ARHGAP33: variants seen among roughly 807,000 people sequenced by gnomAD.
ARHGAP33 encodes the protein rho GTPase-activating protein 33.
Under a neutral mutation model 126.2 loss-of-function variants are expected in ARHGAP33, and 57 were observed. The ratio of observed to expected loss-of-function variants is 0.45; its 90% CI spans 0.36 to 0.56. ARHGAP33 has a LOEUF of 0.56. ARHGAP33 is among the 20% of genes least tolerant of loss of function. The pLI is 0.00. For synonymous variants in ARHGAP33, 711 were observed against 755.0 expected (o/e 0.94, Z 0.95); for missense variants, 1,500 against 1,748.3 (o/e 0.86, Z 2.53).
intron 6 of ARHGAP33, chr19:35,779,908 G>T (rs996403934): frequency 1.9e-6 from 1 of 526,380 alleles, no homozygotes; most frequent in Non-Finnish European, 3.7e-6. Context: ...TGTGGCATCT[G>T]CTGTGGAGGA....
rs1235644972 is a variant in ARHGAP33 at position 35,786,431 on chromosome 19, G to A, written c.1961G>A (p.Arg654Lys). Reference sequence around the variant, plus strand: ...CCTCCAGGCCTCCAGAGGCTGCACAGGCTGCGGCGACCCCACTCCAGCAGC... The same window carrying A: ...CCTCCAGGCCTCCAGAGGCTGCACAAGCTGCGGCGACCCCACTCCAGCAGC... The part of the protein sequence containing the change: ...ASGAGLQRLH[R>K]LRRPHSSSDA... Residue 654 changes from arginine (R) to lysine (K), a missense_variant, in exon 20 of 21, where the codon AGG becomes AAG. Physicochemically the swap from Arg to Lys is conservative, Grantham distance 26. Transcript: ENST00000007510. This position sits in a 1 kb window ranked among gnomAD's most constrained non-coding sequence, Gnocchi z 7.0. The A allele has an allele frequency of 6.5e-7, 1 of 1,534,528 alleles. No homozygotes were observed. The highest frequency in any genetic ancestry group is 1.2e-5 in the South Asian group (1 of 83,896).
chr19:35,784,733 C>A lies in ARHGAP33; in HGVS notation c.1568-220C>A, dbSNP rs1972009195. 3 of 1,352,362 alleles carry A rather than the reference C, an allele frequency of 2.2e-6. No individual in the cohort carries two copies. The Admixed American group carries it at 1.1e-4, about 51-fold the overall frequency. 83.8% of individuals were successfully genotyped at this position (1,352,362 alleles called of 1,614,324 possible). A position where few individuals can be genotyped will look rare whatever the true frequency, so the allele number is the denominator to read the frequency against. The stretch of plus-strand genomic sequence containing the variant: ...TAACTGAAGCCAGAGCCGCTGCCCT[C>A]GCTGGCTGCCGGGAGCTGCCTCCTC... On this transcript the variant is annotated intron_variant, in intron 16 of 20. Coordinates refer to ENST00000007510, the MANE Select transcript of ARHGAP33 (RefSeq NM_001366178.1).
In ARHGAP33 at chr19:35,780,378, C is replaced by T. The variant is rs777222058; in HGVS notation, c.625-43C>T. 3 of 1,610,632 alleles carry T rather than the reference C, an allele frequency of 1.9e-6. No homozygotes were observed. The South Asian group carries it at 3.3e-5, about 18-fold the overall frequency. On this transcript the variant is annotated intron_variant, in intron 7 of 20. Coordinates refer to ENST00000007510, the MANE Select transcript of ARHGAP33 (RefSeq NM_001366178.1). ...GATTCCAGCTGGGCTCCCCACACCCCCTGCTCCTTCTGACCCTTCTCTTCC... is the reference window on the plus strand; with the variant it reads ...GATTCCAGCTGGGCTCCCCACACCCTCTGCTCCTTCTGACCCTTCTCTTCC...
At position 35,785,688 on chromosome 19, in the gene ARHGAP33, G is replaced by T. The variant is rs1972076353; in HGVS notation, c.1942+205G>T. On this transcript the variant is annotated intron_variant, in intron 19 of 20. Transcript: ENST00000007510. Reference sequence around the variant, plus strand: ...CACACTGAACTTAACTTACTCATTGGTCCATGACGGGCCCTTTAAAAGTCT... The same window carrying T: ...CACACTGAACTTAACTTACTCATTGTTCCATGACGGGCCCTTTAAAAGTCT... 4 of 1,419,466 alleles carry T rather than the reference G, an allele frequency of 2.8e-6. No individual in the cohort carries two copies. In the East Asian group the frequency reaches 7.8e-5, roughly 28 times the overall value. 87.9% of individuals were successfully genotyped at this position (1,419,466 alleles called of 1,614,324 possible).
At position 35,786,437 on chromosome 19, in the gene ARHGAP33, G is replaced by T; in HGVS notation, c.1967G>T (p.Arg656Leu). The T allele has an allele frequency of 6.5e-7, 1 of 1,534,938 alleles. No individual in the cohort carries two copies. The highest frequency in any genetic ancestry group is 8.7e-7 in the Non-Finnish European group (1 of 1,146,188). ...GAGLQRLHRLRRPHSSSDAFP... is the reference protein window; with the variant it reads ...GAGLQRLHRLLRPHSSSDAFP... ...GGCCTCCAGAGGCTGCACAGGCTGC[G>T]GCGACCCCACTCCAGCAGCGACGCT... Residue 656 changes from arginine (R) to leucine (L), a missense_variant, in exon 20 of 21, where the codon CGG becomes CTG. Transcript: ENST00000007510. The surrounding 1 kb of genome is among the most constrained non-coding windows in gnomAD (Gnocchi z 7.0).
intron 1 of ARHGAP33, among the ~76,000 whole-genome samples, chr19:35,776,098 C>A (rs1165054246): frequency 2.2e-5 from 3 of 139,060 alleles, no homozygotes; most frequent in Non-Finnish European, 4.8e-5. Flanking sequence ...CGAGCCCCAC[C>A]CCCCACCCGC....
At position 35,780,989 on chromosome 19, in the gene ARHGAP33, A is replaced by G. The variant is rs1405383801; in HGVS notation, c.899A>G (p.Gln300Arg). ...TTCATGCGCTCCCGCCCTTCTCGGC[A>G]GCGGCTGCGGCAGCGGGGAATCCTG... ...RTFMRSRPSR[Q>R]RLRQRGILRQ... The change falls in exon 11 of 21, where the codon CAG becomes CGG. Residue 300 changes from glutamine to arginine, a missense_variant. Transcript: ENST00000007510. The G allele has an allele frequency of 1.2e-6, 2 of 1,611,226 alleles. No individual in the cohort carries two copies. Among genetic ancestry groups the G allele is most frequent in the Non-Finnish European group, 1.7e-6 (2 of 1,179,882 alleles).
At chr19:35,778,067 G>T (rs993622944) in intron 3 of ARHGAP33, among the ~76,000 whole-genome samples, 159 bp downstream of exon 3, 2 of 152,182 alleles carry the variant, frequency 1.3e-5, no homozygotes, top group Non-Finnish European at 2.9e-5. Flanking sequence ...CAGCAGATGG[G>T]GAGAGCTGCT....
Position 35,787,499 on chromosome 19 carries a change from C to A in ARHGAP33, c.2934C>A (p.Ser978Arg), listed in dbSNP as rs373892515. 1 of 1,612,280 alleles carries A rather than the reference C, an allele frequency of 6.2e-7. No individual in the cohort carries two copies. Among genetic ancestry groups the A allele is most frequent in the Admixed American group, 1.7e-5 (1 of 59,988 alleles). Residue 978 changes from serine to arginine, a missense_variant, in exon 21 of 21, where the codon AGC becomes AGA. Around this residue, in one of 6 missense-constraint regions of ARHGAP33, gnomAD observed 642 missense variants for 634.0 expected, o/e 1.01. Transcript: ENST00000007510. Reference sequence around the variant, plus strand: ...TACCAAGGCAACAAAGTGATGGGAGCCTGCTGAGGAGCCAGCGGCCCATGG... The same window carrying A: ...TACCAAGGCAACAAAGTGATGGGAGACTGCTGAGGAGCCAGCGGCCCATGG... ...PYLPRQQSDG[S>R]LLRSQRPMGT...
At chr19:35,780,113 G>A (rs1299612352) in intron 6 of ARHGAP33, 98 bp from the exon 7 acceptor site, 18 of 1,506,694 alleles carry the variant, frequency 1.2e-5, no homozygotes, top group Non-Finnish European at 1.5e-5. Flanking sequence ...GCTCTTGACG[G>A]GGGCGGGCAG....
In ARHGAP33 at chr19:35,777,737, G is replaced by A. The variant is rs1319529080; in HGVS notation, c.99G>A (p.Gly33=). 1.2e-6 allele frequency: 2 copies of A among 1,612,608 alleles called. No individual in the cohort carries two copies. Among genetic ancestry groups the A allele is most frequent in the East Asian group, 2.2e-5 (1 of 44,878 alleles). ...AGGPSVKGKP[G]KRLSAPRGPF... ...GGCCCAGTGTGAAGGGGAAGCCTGG[G>A]AAGAGGTGAGGGTGAGGGAGGAAAG... The change falls in exon 2 of 21, where the codon GGG becomes GGA. Residue 33 remains glycine, a synonymous_variant. Coordinates refer to ENST00000007510, the MANE Select transcript of ARHGAP33 (RefSeq NM_001366178.1).
chr19:35,783,188 G>A (rs570791038), intron 15 of ARHGAP33, among the ~76,000 whole-genome samples: 3 of 152,318 alleles, frequency 2.0e-5, no homozygotes, highest in African/African-American at 7.2e-5. Flanking sequence ...AGTTTTTAGC[G>A]AGAGTGGCAA....
chr19:35,782,193 T>A lies in ARHGAP33; in HGVS notation c.1086-180T>A, dbSNP rs1971829079. Among the ~76,000 whole-genome samples, 3 of 152,164 alleles carry A rather than the reference T, an allele frequency of 2.0e-5. No individual in the cohort carries two copies. Among genetic ancestry groups the A allele is most frequent in the Non-Finnish European group, 4.4e-5 (3 of 68,022 alleles). ...TCTGTAAATGCGGCACCCTTCTCTTTGCCACACAGGCTTGCTGGGGAGTTC... is the reference window on the plus strand; with the variant it reads ...TCTGTAAATGCGGCACCCTTCTCTTAGCCACACAGGCTTGCTGGGGAGTTC... On this transcript the variant is annotated intron_variant, in intron 12 of 20. Transcript: ENST00000007510. The surrounding 1 kb of genome is among the most constrained non-coding windows in gnomAD (Gnocchi z 4.1).
At chr19:35,779,383 G>A (rs964880104) in intron 6 of ARHGAP33, among the ~76,000 whole-genome samples, 3 of 152,114 alleles carry the variant, frequency 2.0e-5, no homozygotes, top group African/African-American at 7.2e-5. Flanking sequence ...AAATGGGTTG[G>A]GCTGTAACTC....
intron 6 of ARHGAP33, among the ~76,000 whole-genome samples, chr19:35,779,346 A>T (rs745743796): frequency 3.9e-5 from 6 of 152,156 alleles, no homozygotes; most frequent in Non-Finnish European, 7.3e-5. Flanking sequence ...CTTTAAGGAT[A>T]CAAGGGTTTA....
chr19:35,788,068 T>A lies in ARHGAP33; in HGVS notation c.3503T>A (p.Leu1168His). The A allele has an allele frequency of 6.3e-7, 1 of 1,599,556 alleles. No homozygotes were observed. The highest frequency in any genetic ancestry group is 8.5e-7 in the Non-Finnish European group (1 of 1,175,500). Residue 1168 changes from leucine (L) to histidine (H), a missense_variant, in exon 21 of 21, where the codon CTC becomes CAC. Physicochemically the swap from Leu to His is moderately conservative, Grantham distance 99. Around this residue, in one of 6 missense-constraint regions of ARHGAP33, gnomAD observed 642 missense variants for 634.0 expected, o/e 1.01. Coordinates refer to ENST00000007510, the MANE Select transcript of ARHGAP33 (RefSeq NM_001366178.1). The part of the protein sequence containing the change: ...PARRPTPPEP[L>H]YVNLALGPRG... ...CGGCGCCCTACACCGCCTGAGCCCC[T>A]CTACGTCAACCTAGCTCTAGGGCCC...
In ARHGAP33 at chr19:35,778,606, C is replaced by A. The variant is rs779043047; in HGVS notation, c.408+5C>A. ...GAGGGTGCCAGGGCTGCCCAGGTAA[C>A]CTGCTTGTTGTCTCAGCCCCTGCCT... is the stretch of plus-strand genomic sequence containing the variant. On this transcript the variant is annotated splice_donor_5th_base_variant and intron_variant, in intron 5 of 20. Transcript: ENST00000007510. 5.0e-6 allele frequency: 8 copies of A among 1,612,134 alleles called. No individual in the cohort carries two copies. The South Asian group carries it at 5.5e-5, about 11-fold the overall frequency.
chr19:35,785,983 C>T (rs568790573), intron 19 of ARHGAP33: 368 of 1,089,886 alleles, frequency 3.4e-4, no homozygotes, highest in Non-Finnish European at 4.0e-4. Flanking sequence ...GGGAGCTTGG[C>T]TTTTTCTCCA....
intron 1 of ARHGAP33, 188 bp from the exon 2 acceptor site, chr19:35,777,457 C>G: frequency 3.3e-6 from 2 of 614,452 alleles, no homozygotes; most frequent in Non-Finnish European, 5.9e-6. Flanking sequence ...TCCCCCACCC[C>G]AGACCACACA....
Sources: gnomAD v4.1 joint callset for allele counts (sites outside exome capture counted in the v4.1 genomes callset) on GRCh38, gnomAD v4.1.1 for gene constraint, gnomAD v4.1.1 regional missense constraint, Gnocchi (gnomAD v3.1) non-coding constraint, MANE v1.5 for transcripts, NCBI Gene and HGNC (gene_info 2026-07-23, HGNC 2026-07-21) for gene names.